Variants in PLD5 observed in about 807,000 individuals in gnomAD.
The protein encoded by PLD5 is inactive phospholipase D5.
A neutral mutation model predicts 61.1 loss-of-function variants in PLD5; 36 were observed. The ratio of observed to expected loss-of-function variants is 0.59; its 90% CI spans 0.45 to 0.78. PLD5 has a LOEUF of 0.78. PLD5 is among the 30% of genes least tolerant of loss of function. The pLI is 0.00. For missense variants in PLD5, 515 were observed against 644.4 expected (o/e 0.80, Z 2.17); for synonymous variants, 243 against 242.8 (o/e 1.00, Z -0.01).
At chr1:242,153,070 C>A (rs1221218255) in intron 5 of PLD5, among the ~76,000 whole-genome samples, 1 of 152,038 alleles carries the variant, frequency 6.6e-6, no homozygotes, top group East Asian at 1.9e-4. Context: ...GAGATGGTAT[C>A]TCATTGTGGT....
chr1:242,301,216 C>T (rs1038825641), intron 2 of PLD5, among the ~76,000 whole-genome samples: 5 of 152,098 alleles, frequency 3.3e-5, no homozygotes, highest in Non-Finnish European at 5.9e-5. Flanking sequence ...ATAAGCCTAC[C>T]TAGTTCTGGG....
chr1:242,235,925 G>A (rs1055928114), intron 4 of PLD5: 3 of 152,166 alleles, frequency 2.0e-5, no homozygotes, highest in African/African-American at 7.2e-5. Flanking sequence ...CATTTGCCTG[G>A]AAGAAAGTAT....
At chr1:242,254,689 C>T (rs1388804041) in intron 4 of PLD5, among the ~76,000 whole-genome samples, 1 of 152,154 alleles carries the variant, frequency 6.6e-6, no homozygotes, top group Non-Finnish European at 1.5e-5. Flanking sequence ...CCACCACCAC[C>T]ACCACCACTG....
At position 242,086,938 on chromosome 1, in the gene PLD5, T is replaced by G. The variant is rs915222934; in HGVS notation, c.*2916A>C. 1 of 152,060 alleles carries G rather than the reference T, an allele frequency of 6.6e-6. No individual in the cohort carries two copies. The highest frequency in any genetic ancestry group is 1.5e-5 in the Non-Finnish European group (1 of 68,024). 9.4% of individuals were successfully genotyped at this position (152,060 alleles called of 1,614,324 possible). ...AGAGGGTGTCAAATTAACCTGTTTT[T>G]GTTTTGCATTCTTTCCCTCCTGGAA... On this transcript the variant is annotated 3_prime_UTR_variant, in exon 10 of 10. Coordinates refer to ENST00000536534, the MANE Select transcript of PLD5 (RefSeq NM_001372062.1).
chr1:242,169,427 A>G (rs1666576176), intron 5 of PLD5, among the ~76,000 whole-genome samples: 1 of 152,146 alleles, frequency 6.6e-6, no homozygotes, highest in Non-Finnish European at 1.5e-5. Flanking sequence ...CACTTTTCCC[A>G]TGGTCTTCAA....
At chr1:242,152,337 A>G (rs980117662) in intron 5 of PLD5, among the ~76,000 whole-genome samples, 5 of 151,942 alleles carry the variant, frequency 3.3e-5, no homozygotes, top group Admixed American at 1.3e-4. Context: ...ACCCATCTGT[A>G]TAATTAGGAT....
intron 1 of PLD5, among the ~76,000 whole-genome samples, chr1:242,411,170 A>G (rs1207890748): frequency 6.6e-6 from 1 of 152,198 alleles, no homozygotes; most frequent in Non-Finnish European, 1.5e-5. Flanking sequence ...TCTAATTGAT[A>G]TATGAGCTCA....
chr1:242,209,667 G>GTCTC (rs60796466), intron 5 of PLD5, among the ~76,000 whole-genome samples: 75,930 of 151,398 alleles, frequency 0.5, 20,267 homozygotes, highest in East Asian at 0.75. Flanking sequence ...CTGTTCCCCT[G>GTCTC]TCTCTCTCTC....
Position 242,324,211 on chromosome 1 carries a change from G to A in PLD5, c.326+23895C>T, listed in dbSNP as rs1658605778. On this transcript the variant is annotated intron_variant, in intron 2 of 9. Transcript: ENST00000536534. The stretch of plus-strand genomic sequence containing the variant: ...ATGACAGCCGGTTAAAATGTAAAAA[G>A]AGCTTTCAGTCCAAATCCAAAATAA... 5.3e-5 allele frequency among the ~76,000 whole-genome samples: 8 copies of A among 152,074 alleles called. 1 individual carries two copies. The South Asian group carries it at 1.5e-3, about 28-fold the overall frequency.
At chr1:242,243,182 G>A (rs985252167) in intron 4 of PLD5, among the ~76,000 whole-genome samples, 1 of 152,248 alleles carries the variant, frequency 6.6e-6, no homozygotes, top group African/African-American at 2.4e-5. Flanking sequence ...GGCCTGCTGT[G>A]TCTTACGCGA....
chr1:242,451,069 C>T (rs1446673329), intron 1 of PLD5, among the ~76,000 whole-genome samples: 2 of 152,164 alleles, frequency 1.3e-5, no homozygotes, highest in South Asian at 2.1e-4. Flanking sequence ...TTGGGCCATG[C>T]CCACTTATCC....
intron 2 of PLD5, among the ~76,000 whole-genome samples, chr1:242,317,691 T>C (rs1658107145): frequency 1.3e-5 from 2 of 151,608 alleles, no homozygotes; most frequent in Non-Finnish European, 2.9e-5. Context: ...CAGAAGGTAG[T>C]TAAAAAAGAA....
chr1:242,518,161 TGGGAAAG>T, intron 1 of PLD5, among the ~76,000 whole-genome samples: 1 of 152,242 alleles, frequency 6.6e-6, no homozygotes, highest in Non-Finnish European at 1.5e-5. Flanking sequence ...TAAGGCTACC[TGGGAAAG>T]TTTGCCTCAT....
intron 1 of PLD5, among the ~76,000 whole-genome samples, chr1:242,479,875 C>T (rs1470872795): frequency 6.7e-6 from 1 of 149,190 alleles, no homozygotes; most frequent in Non-Finnish European, 1.5e-5. Flanking sequence ...AACCCCGTCT[C>T]TACTAAAAAT....
intron 1 of PLD5, among the ~76,000 whole-genome samples, chr1:242,386,519 T>C (rs10737880): frequency 1 from 152,212 of 152,256 alleles, 76,084 homozygotes; most frequent in Middle Eastern, 1. Flanking sequence ...GCAGGCCTTC[T>C]TTCAGTTTAC....
chr1:242,509,986 G>T (rs891870696), intron 1 of PLD5, among the ~76,000 whole-genome samples: 2 of 152,124 alleles, frequency 1.3e-5, no homozygotes, highest in Non-Finnish European at 2.9e-5. Context: ...TGGAGCACTG[G>T]ATTTTTGAAG....
At position 242,481,840 on chromosome 1, in the gene PLD5, A is replaced by G. The variant is rs542651276; in HGVS notation, c.189+42248T>C. On this transcript the variant is annotated intron_variant, in intron 1 of 9. Transcript: ENST00000536534. ...GGGCAGACTGACACCTCACACGGCC[A>G]GGTACTCCTCTCAGACAAAACTTCC... 2.6e-5 allele frequency among the ~76,000 whole-genome samples: 4 copies of G among 152,300 alleles called. No individual in the cohort carries two copies. The East Asian group carries it at 7.7e-4, about 29-fold the overall frequency.
At chr1:242,190,294 T>C (rs992875815) in intron 5 of PLD5, among the ~76,000 whole-genome samples, 11 of 151,798 alleles carry the variant, frequency 7.2e-5, no homozygotes, top group African/African-American at 2.2e-4. Flanking sequence ...TACAGGCACC[T>C]GCCACCACGC....
chr1:242,096,237 C>T (rs1041838502), intron 9 of PLD5, among the ~76,000 whole-genome samples: 1 of 151,668 alleles, frequency 6.6e-6, no homozygotes, highest in African/African-American at 2.4e-5. Context: ...GGATTACAGG[C>T]GTGAGCCACT....
Sources: allele counts gnomAD v4.1 joint callset (sites outside exome capture counted in the v4.1 genomes callset), GRCh38; gene constraint gnomAD v4.1.1; transcripts MANE v1.5; gene names NCBI Gene and HGNC (gene_info 2026-07-23, HGNC 2026-07-21).